Variants in ANO1 observed in about 807,000 individuals in gnomAD.
The protein encoded by ANO1 is anoctamin-1.
Under a neutral mutation model 124.0 loss-of-function variants are expected in ANO1, and 59 were observed. The observed-to-expected ratio is 0.48, with a 90% CI of 0.39 to 0.59. The LOEUF (loss-of-function observed/expected upper bound fraction) is 0.59. Among genes scored for constraint, ANO1 ranks in the 20% least tolerant of loss-of-function variants. The pLI is 0.00. For synonymous variants in ANO1, 529 were observed against 532.0 expected, an observed-to-expected ratio of 0.99 and a Z score of 0.08; for missense variants, 1,059 against 1,328.0, an observed-to-expected ratio of 0.80 and a Z score of 3.15.
intron 22 of ANO1, among the ~76,000 whole-genome samples, chr11:70,175,527 T>G (rs1253416861): frequency 6.6e-6 from 1 of 152,182 alleles, no homozygotes; most frequent in Non-Finnish European, 1.5e-5. Flanking sequence ...CACCCTGTCG[T>G]CCAGCGGGTC....
At position 70,087,967 on chromosome 11, in the gene ANO1, G is replaced by C; in HGVS notation, c.324G>C (p.Leu108=). The part of the protein sequence containing the change: ...DHPLPGKGAS[L]DAGSGEPPMD... ...CCCTGCCGGGCAAGGGGGCGTCGCT[G>C]GATGCAGGCTCGGGGGAGCCCCCGA... is the stretch of plus-strand genomic sequence containing the variant. Residue 108 remains leucine (L), a synonymous_variant, in exon 2 of 26, where the codon CTG becomes CTC. Coordinates refer to ENST00000355303, the MANE Select transcript of ANO1 (RefSeq NM_018043.7). 1.3e-6 allele frequency: 2 copies of C among 1,591,822 alleles called. No individual in the cohort carries two copies. Among genetic ancestry groups the C allele is most frequent in the South Asian group, 1.1e-5 (1 of 87,944 alleles).
chr11:70,083,484 C>G (rs1355488868), intron 1 of ANO1, among the ~76,000 whole-genome samples: 1 of 152,184 alleles, frequency 6.6e-6, no homozygotes, highest in African/African-American at 2.4e-5. Context: ...TTTCTGCTCT[C>G]CCAAAGACTG....
intron 16 of ANO1, among the ~76,000 whole-genome samples, chr11:70,158,086 T>A (rs1259751139): frequency 1.3e-5 from 2 of 152,080 alleles, no homozygotes; most frequent in Non-Finnish European, 2.9e-5. Context: ...AACAAATTTT[T>A]AAAAATTTTA....
At chr11:70,116,211 A>C (rs956788235) in intron 7 of ANO1, among the ~76,000 whole-genome samples, 9 of 152,170 alleles carry the variant, frequency 5.9e-5, no homozygotes, top group Non-Finnish European at 1.5e-5. Flanking sequence ...TGTCGAGGGA[A>C]GAGGCGGCTC....
chr11:70,095,308 GAAA>G lies in ANO1; in HGVS notation c.441+7225_441+7227del, dbSNP rs1565193410. Among the ~76,000 whole-genome samples, 6 of 102,350 alleles carry G rather than the reference GAAA, an allele frequency of 5.9e-5. 1 individual carries two copies. In the South Asian group the frequency reaches 1.1e-3, roughly 19 times the overall value. The allele number at this position is 102,350 out of a possible 152,430, so 67.1% of individuals were successfully genotyped here. A position where few individuals can be genotyped will look rare whatever the true frequency, so the allele number is the denominator to read the frequency against. ...GGAAGGAAGGAAGGAAGGAAAGAAAGAAAGAAAGAAAGGAAAGAAAGAAAGGAA... is the reference window on the plus strand; with the variant it reads ...GGAAGGAAGGAAGGAAGGAAAGAAAGGAAAGAAAGGAAAGAAAGAAAGGAA... On this transcript the variant is annotated intron_variant, in intron 2 of 25. Coordinates refer to ENST00000355303, the MANE Select transcript of ANO1 (RefSeq NM_018043.7).
chr11:70,028,283 G>A (rs11237183), intron 1 of ANO1, among the ~76,000 whole-genome samples: 42,491 of 152,062 alleles, frequency 0.28, 6,454 homozygotes, highest in East Asian at 0.63. Context: ...TCCCCTCCCC[G>A]CTCCACCAGG....
intron 16 of ANO1, among the ~76,000 whole-genome samples, chr11:70,158,193 G>T (rs1443262096): frequency 6.6e-6 from 1 of 152,222 alleles, no homozygotes. Context: ...CAAACATCTT[G>T]TGGCTTTTAG....
intron 11 of ANO1, among the ~76,000 whole-genome samples, chr11:70,138,147 C>A (rs2047015611): frequency 6.8e-6 from 1 of 145,988 alleles, no homozygotes; most frequent in Non-Finnish European, 1.5e-5. Context: ...AAGCTCAAGA[C>A]CAGTCAGGCC....
rs797036450 is a variant in ANO1, at chr11:70,010,162, TGTGC to T, written c.58+23998_58+24001del. 0.022 allele frequency among the ~76,000 whole-genome samples: 1,684 copies of T among 74,876 alleles called. 100 individuals are homozygous for T. In the East Asian group the frequency reaches 0.3, roughly 13 times the overall value. The allele number at this position is 74,876 out of a possible 152,430, so 49.1% of individuals were successfully genotyped here. On this transcript the variant is annotated intron_variant, in intron 1 of 27. Transcript: ENST00000531349. ...GTGTGTGTGTGTGTGTGTGTGTGTG[TGTGC>T]GCGTGTGTGTGTGTATATATATATA...
At position 69,998,674 on chromosome 11, in the gene ANO1, C is replaced by T. The variant is rs1044122562; in HGVS notation, c.58+12508C>T. On this transcript the variant is annotated intron_variant, in intron 1 of 27. Transcript: ENST00000531349. Reference sequence around the variant, plus strand: ...TGCCAAAAAGAAATACCTGGCCAGGCGCAGTGGCTCACACCTGCAATCTCA... The same window carrying T: ...TGCCAAAAAGAAATACCTGGCCAGGTGCAGTGGCTCACACCTGCAATCTCA... Among the ~76,000 whole-genome samples, 3 of 152,328 alleles carry T rather than the reference C, an allele frequency of 2.0e-5. No individual in the cohort carries two copies. The East Asian group carries it at 5.8e-4, about 29-fold the overall frequency.
intron 6 of ANO1, among the ~76,000 whole-genome samples, chr11:70,110,518 T>A (rs2045731991): frequency 6.6e-6 from 1 of 152,152 alleles, no homozygotes; most frequent in Non-Finnish European, 1.5e-5. Flanking sequence ...GACAAACTTT[T>A]CACTCACACA....
chr11:69,976,014 C>T, the ANO1 span, among the ~76,000 whole-genome samples: 48 of 152,266 alleles, frequency 3.2e-4, no homozygotes, highest in South Asian at 8.9e-3. Context: ...GGACCGTGCC[C>T]GCCTGTCCCC....
upstream of ANO1, among the ~76,000 whole-genome samples, chr11:69,982,485 C>T (rs1855967868): frequency 6.6e-6 from 1 of 152,212 alleles, no homozygotes; most frequent in African/African-American, 2.4e-5. Flanking sequence ...CAGTGTTCTA[C>T]CATGTTTCCC....
chr11:70,142,770 G>A lies in ANO1; in HGVS notation c.1259-6940G>A, dbSNP rs79539830. 2.0e-3 allele frequency among the ~76,000 whole-genome samples: 308 copies of A among 152,328 alleles called. 2 individuals carry two copies. The highest frequency in any genetic ancestry group is 6.6e-3 in the East Asian group (34 of 5,172). On this transcript the variant is annotated intron_variant, in intron 11 of 25. Transcript: ENST00000355303. ...GGAGAAGTCCAAGATCAAGGTGCCA[G>A]CTGATTTGGCCCACGCCTTGGCTTT...
At chr11:70,084,660 T>C (rs2044305602) in intron 1 of ANO1, among the ~76,000 whole-genome samples, 3 of 152,220 alleles carry the variant, frequency 2.0e-5, no homozygotes, top group African/African-American at 7.2e-5. Context: ...TGTCCTGGGC[T>C]GGCCTCACCT....
chr11:70,095,160 C>T (rs904619194), intron 2 of ANO1, among the ~76,000 whole-genome samples: 2 of 149,606 alleles, frequency 1.3e-5, no homozygotes, highest in South Asian at 2.1e-4. Flanking sequence ...GAGCCAAGAT[C>T]GCGCCACCAC....
At chr11:69,975,253 C>G in the ANO1 span, among the ~76,000 whole-genome samples, 9 of 152,356 alleles carry the variant, frequency 5.9e-5, no homozygotes, top group East Asian at 9.6e-4. Context: ...CTCCCTACCC[C>G]CTCCCCACAG....
chr11:70,170,059 G>T, intron 21 of ANO1: 1 of 419,748 alleles, frequency 2.4e-6, no homozygotes, highest in Admixed American at 2.7e-5. Flanking sequence ...CCCAGGGGGA[G>T]GGCCGCAGGG....
intron 11 of ANO1, among the ~76,000 whole-genome samples, chr11:70,149,365 C>G (rs1156366218): frequency 6.6e-6 from 1 of 152,202 alleles, no homozygotes; most frequent in Non-Finnish European, 1.5e-5. Context: ...GAAAAGAATG[C>G]CTTGGCTGGG....
Sources: allele counts gnomAD v4.1 joint callset (sites outside exome capture counted in the v4.1 genomes callset), GRCh38; gene constraint gnomAD v4.1.1; transcripts MANE v1.5; gene names NCBI Gene and HGNC (gene_info 2026-07-23, HGNC 2026-07-21).